The following ROBO2 variants were observed in gnomAD, a reference collection of about 807,000 sequenced individuals.
The protein encoded by ROBO2 is roundabout guidance receptor 2, also known as roundabout homolog 2.
A neutral mutation model predicts 160.8 loss-of-function variants in ROBO2; 53 were observed. That is an observed-to-expected ratio of 0.33 (90% CI 0.26 to 0.41). The LOEUF (loss-of-function observed/expected upper bound fraction) is 0.41, where lower values mean the gene tolerates loss of function less well. Among genes scored for constraint, ROBO2 ranks in the 10% least tolerant of loss-of-function variants. ROBO2 has a pLI of 1.00. For synonymous variants in ROBO2, 664 were observed against 611.7 expected, an observed-to-expected ratio of 1.09 and a Z score of -1.26; for missense variants, 1,577 against 1,722.4, an observed-to-expected ratio of 0.92 and a Z score of 1.49.
chr3:77,568,247 A>G (rs1392426764), intron 12 of ROBO2, 66 bp from the exon 14 acceptor site: 233 of 1,565,806 alleles, frequency 1.5e-4, no homozygotes, highest in Admixed American at 3.4e-5. Flanking sequence ...GTTGATTTAC[A>G]TAAAATAAAT....
intron 1 of ROBO2, among the ~76,000 whole-genome samples, chr3:77,081,876 T>G (rs1278281616): frequency 3.3e-5 from 5 of 152,152 alleles, no homozygotes; most frequent in African/African-American, 4.8e-5. Flanking sequence ...TGGTAATCAC[T>G]CTTAATATTG....
chr3:76,110,525 A>G (rs2070180082), intron 2 of ROBO2, among the ~76,000 whole-genome samples: 1 of 152,122 alleles, frequency 6.6e-6, no homozygotes, highest in Admixed American at 6.6e-5. Flanking sequence ...GAAAGGTTAA[A>G]TATAAGATGG....
chr3:77,411,820 C>A lies in ROBO2; in HGVS notation c.389-65594C>A, dbSNP rs149316016. Among the ~76,000 whole-genome samples, 486 of 152,268 alleles carry A rather than the reference C, an allele frequency of 3.2e-3. 5 individuals are homozygous for A. The highest frequency in any genetic ancestry group is 0.011 in the African/African-American group (463 of 41,550). ...CTAAAGGAGACAGGTATGAGCATGG[C>A]ATTTTTCTTTAACCACTTTAAATAA... is the stretch of plus-strand genomic sequence containing the variant. On this transcript the variant is annotated intron_variant, in intron 2 of 25. Coordinates refer to ENST00000461745, the Ensembl canonical transcript of ROBO2.
intron 2 of ROBO2, among the ~76,000 whole-genome samples, chr3:76,608,497 A>C (rs1216253475): frequency 6.6e-6 from 1 of 152,104 alleles, no homozygotes; most frequent in Non-Finnish European, 1.5e-5. Context: ...TTACATCCAG[A>C]CCAGTGGTTC....
rs140898768 is a variant in ROBO2 at position 77,270,665 on chromosome 3, C to T, written c.388+172325C>T. On this transcript the variant is annotated intron_variant, in intron 2 of 25. Transcript: ENST00000461745. ...TTTTGTTTTTTAGAATGGTTTCTGG[C>T]CAGGTGCAGTAGCTCACACCTGTAA... Among the ~76,000 whole-genome samples the T allele has an allele frequency of 3.3e-5, 5 of 152,168 alleles. No homozygotes were observed. The East Asian group carries it at 9.7e-4, about 29-fold the overall frequency.
In ROBO2 at chr3:76,665,964, ATAATATATATAATATATACATG is replaced by A. The variant is rs2092014629; in HGVS notation, c.110-432031_110-432010del. Among the ~76,000 whole-genome samples, 3 of 142,038 alleles carry A rather than the reference ATAATATATATAATATATACATG, an allele frequency of 2.1e-5. No individual in the cohort carries two copies. The South Asian group carries it at 6.4e-4, about 30-fold the overall frequency. The allele number at this position is 142,038 out of a possible 152,430, so 93.2% of individuals were successfully genotyped here. A position where few individuals can be genotyped will look rare whatever the true frequency, so the allele number is the denominator to read the frequency against. On this transcript the variant is annotated intron_variant, in intron 2 of 26. Coordinates refer to the ROBO2 transcript ENST00000487694. ...AATATATTATATATAATATATACAT[ATAATATATATAATATATACATG>A]TAATATATATAATATATAATATATA...
At chr3:76,079,500 T>C (rs1195234334) in intron 2 of ROBO2, among the ~76,000 whole-genome samples, 1 of 131,860 alleles carries the variant, frequency 7.6e-6, no homozygotes, top group Admixed American at 7.5e-5. Context: ...TTTTTTTTGG[T>C]GGAGACAGAG....
chr3:77,145,549 A>G (rs1439113230), intron 2 of ROBO2, among the ~76,000 whole-genome samples: 1 of 152,232 alleles, frequency 6.6e-6, no homozygotes, highest in East Asian at 1.9e-4. Context: ...TTAGGCTTTT[A>G]CGTGTTTTAA....
chr3:75,909,865 A>G lies in ROBO2; in HGVS notation c.-14+2905A>G, dbSNP rs77776102. On this transcript the variant is annotated intron_variant, in intron 1 of 26. Transcript: ENST00000487694. Reference sequence around the variant, plus strand: ...TATCCCTCAGGAAAGAGCAAGACCAATTGTATTCCTAATTTAGAAATATTA... The same window carrying G: ...TATCCCTCAGGAAAGAGCAAGACCAGTTGTATTCCTAATTTAGAAATATTA... Among the ~76,000 whole-genome samples the G allele has an allele frequency of 6.2e-3, 937 of 152,316 alleles. 6 individuals are homozygous for G. Among genetic ancestry groups the G allele is most frequent in the Non-Finnish European group, 9.8e-3 (669 of 68,022 alleles).
intron 2 of ROBO2, among the ~76,000 whole-genome samples, chr3:76,255,374 G>T (rs1476497362): frequency 6.6e-6 from 1 of 152,048 alleles, no homozygotes; most frequent in East Asian, 1.9e-4. Context: ...TATTGCTTTA[G>T]TATTCTTATT....
intron 2 of ROBO2, among the ~76,000 whole-genome samples, chr3:77,169,425 A>C (rs1323574380): frequency 6.6e-6 from 1 of 152,212 alleles, no homozygotes; most frequent in African/African-American, 2.4e-5. Context: ...AGATAATCAG[A>C]ATACTGACTT....
At chr3:77,468,801 A>G (rs1434921231) in intron 2 of ROBO2, among the ~76,000 whole-genome samples, 1 of 152,186 alleles carries the variant, frequency 6.6e-6, no homozygotes, top group African/African-American at 2.4e-5. Context: ...TTGCTCAGTG[A>G]ATGTGCCTGT....
At chr3:76,689,600 A>G (rs1194555736) in intron 2 of ROBO2, among the ~76,000 whole-genome samples, 2 of 152,154 alleles carry the variant, frequency 1.3e-5, no homozygotes, top group Admixed American at 1.3e-4. Context: ...CCCAAAAAAG[A>G]AAATGTAGGA....
intron 2 of ROBO2, among the ~76,000 whole-genome samples, chr3:76,845,329 T>C (rs1165870942): frequency 1.3e-5 from 2 of 152,002 alleles, no homozygotes; most frequent in South Asian, 2.1e-4. Flanking sequence ...GAGAATAAAA[T>C]ATCTGTGATT....
At chr3:76,764,428 T>C (rs2061469741) in intron 2 of ROBO2, among the ~76,000 whole-genome samples, 1 of 151,716 alleles carries the variant, frequency 6.6e-6, no homozygotes, top group South Asian at 2.1e-4. Context: ...TTTGAAAATA[T>C]TTGCACAGAT....
chr3:76,783,674 A>G (rs1170363852), intron 2 of ROBO2, among the ~76,000 whole-genome samples: 1 of 150,800 alleles, frequency 6.6e-6, no homozygotes, highest in East Asian at 2.0e-4. Flanking sequence ...ATTTTGGACA[A>G]TGTTATTAGA....
intron 2 of ROBO2, among the ~76,000 whole-genome samples, chr3:75,941,236 A>G (rs1948040680): frequency 1.3e-5 from 2 of 152,170 alleles, no homozygotes; most frequent in Non-Finnish European, 2.9e-5. Context: ...GATTACAGGC[A>G]TGAGCCGTTG....
At chr3:76,907,823 GGTGTGT>G (rs71104638) in intron 2 of ROBO2, among the ~76,000 whole-genome samples, 59 of 145,526 alleles carry the variant, frequency 4.1e-4, no homozygotes, top group South Asian at 6.8e-4. Context: ...GTTTGTTTGG[GGTGTGT>G]GTGTGTGTGT....
At chr3:76,696,135 G>A (rs576104423) in intron 2 of ROBO2, among the ~76,000 whole-genome samples, 26 of 152,264 alleles carry the variant, frequency 1.7e-4, no homozygotes, top group East Asian at 3.9e-4. Context: ...CAACTCAGCT[G>A]TGAATGACTT....
Sources: allele counts gnomAD v4.1 joint callset (sites outside exome capture counted in the v4.1 genomes callset), GRCh38; gene constraint gnomAD v4.1.1; transcripts MANE v1.5; gene names NCBI Gene and HGNC (gene_info 2026-07-23, HGNC 2026-07-21).